The following C10orf90 variants were observed in gnomAD, a reference collection of about 807,000 sequenced individuals.
C10orf90 encodes the protein chromosome 10 open reading frame 90, also known as (E2-independent) E3 ubiquitin-conjugating enzyme FATS.
C10orf90 carries 56 observed loss-of-function variants against 62.5 expected under a neutral mutation model. The observed-to-expected ratio is 0.90, with a 90% CI of 0.72 to 1.12. The LOEUF is 1.12. Among genes scored for constraint, C10orf90 ranks in the 50% most tolerant of loss-of-function variants. The probability of loss-of-function intolerance (pLI) is 0.00; values close to 1 mark genes in which losing one functional copy is unlikely to be tolerated. For missense variants in C10orf90, 970 were observed against 880.4 expected (o/e 1.10, Z -1.29); for synonymous variants, 386 against 340.4 (o/e 1.13, Z -1.47).
At chr10:126,654,443 CT>C (rs1161705440) in intron 1 of C10orf90, among the ~76,000 whole-genome samples, 1 of 152,194 alleles carries the variant, frequency 6.6e-6, no homozygotes, top group Non-Finnish European at 1.5e-5. Context: ...TAGCTTCAAA[CT>C]TTTTTTCTGT....
At chr10:126,651,791 G>A (rs984762379) in intron 1 of C10orf90, among the ~76,000 whole-genome samples, 2 of 152,180 alleles carry the variant, frequency 1.3e-5, no homozygotes, top group African/African-American at 2.4e-5. Flanking sequence ...TCCCAAGAAG[G>A]CAAAGACCAA....
chr10:126,470,280 G>A (rs1186691767), intron 4 of C10orf90: 2 of 337,650 alleles, frequency 5.9e-6, no homozygotes, highest in East Asian at 1.5e-4. Context: ...GGAAGGAAGA[G>A]GCAGTAACAA....
At chr10:126,533,640 G>A (rs1026282161) in intron 2 of C10orf90, among the ~76,000 whole-genome samples, 1 of 152,156 alleles carries the variant, frequency 6.6e-6, no homozygotes, top group African/African-American at 2.4e-5. Context: ...GCCTAATTCT[G>A]GACATGGGGA....
rs1002217993 is a variant in C10orf90, at chr10:126,461,589, G to A, written c.1826-4C>T. On this transcript the variant is annotated splice_region_variant and splice_polypyrimidine_tract_variant and intron_variant, in intron 5 of 9. Transcript: ENST00000488181. ...AAGTCACAGCATGTGTAATCTCCTA[G>A]GAGAGAAGATTTAGAATCCCATTTA... 2.2e-5 allele frequency: 35 copies of A among 1,610,960 alleles called. No homozygotes were observed. In the Admixed American group the frequency reaches 2.2e-4, roughly 10 times the overall value.
At chr10:126,631,952 C>T (rs1207418590) in intron 2 of C10orf90, among the ~76,000 whole-genome samples, 2 of 152,104 alleles carry the variant, frequency 1.3e-5, no homozygotes, top group African/African-American at 4.8e-5. Flanking sequence ...ACACTGTCCT[C>T]ACGTGTGTAG....
chr10:126,443,378 C>T (rs1304211203), intron 7 of C10orf90, among the ~76,000 whole-genome samples: 1 of 152,040 alleles, frequency 6.6e-6, no homozygotes, highest in Non-Finnish European at 1.5e-5. Flanking sequence ...TTCAAGGCTA[C>T]AATGAACACC....
At chr10:126,471,090 T>C (rs116384868) in intron 4 of C10orf90, among the ~76,000 whole-genome samples, 1,824 of 152,240 alleles carry the variant, frequency 0.012, 30 homozygotes, top group African/African-American at 0.041. Flanking sequence ...GGATAGCAAA[T>C]GGGATAAACA....
chr10:126,493,924 C>T (rs1038514588), intron 4 of C10orf90, among the ~76,000 whole-genome samples: 4 of 152,348 alleles, frequency 2.6e-5, no homozygotes, highest in African/African-American at 9.6e-5. Context: ...CTGTGACATT[C>T]AATGGACCAC....
At chr10:126,496,805 A>G (rs1410411073) in intron 4 of C10orf90, 2 of 740,208 alleles carry the variant, frequency 2.7e-6, no homozygotes, top group Non-Finnish European at 1.6e-6. Context: ...TGGGTCATCA[A>G]CGTAACCTGT....
At chr10:126,445,373 C>T (rs1226297771) in intron 7 of C10orf90, among the ~76,000 whole-genome samples, 2 of 151,952 alleles carry the variant, frequency 1.3e-5, no homozygotes, top group South Asian at 2.1e-4. Context: ...AGACAATTCT[C>T]AAAAGAAGAT....
At chr10:126,442,481 A>ATATATATATATATATATCTATC (rs1858415102) in intron 7 of C10orf90, among the ~76,000 whole-genome samples, 2 of 59,164 alleles carry the variant, frequency 3.4e-5, no homozygotes, top group African/African-American at 1.2e-4. Context: ...AATATTTCAT[A>ATATATATATATATATATCTATC]TATATATATA....
At chr10:126,485,915 C>G (rs1446643895) in intron 4 of C10orf90, among the ~76,000 whole-genome samples, 1 of 151,684 alleles carries the variant, frequency 6.6e-6, no homozygotes, top group Non-Finnish European at 1.5e-5. Flanking sequence ...CCACTGCACT[C>G]CAGCCTGGGG....
intron 2 of C10orf90, among the ~76,000 whole-genome samples, chr10:126,635,709 T>G (rs1001966878): frequency 4.6e-5 from 7 of 152,236 alleles, no homozygotes. Context: ...TGTCTCTAAC[T>G]GCTCAGGGGA....
At chr10:126,498,080 C>T (rs1016366348) in intron 4 of C10orf90, among the ~76,000 whole-genome samples, 2 of 152,210 alleles carry the variant, frequency 1.3e-5, no homozygotes, top group African/African-American at 4.8e-5. Context: ...CAACCATGCA[C>T]CCAATTCATT....
intron 2 of C10orf90, among the ~76,000 whole-genome samples, chr10:126,515,064 C>G (rs148010394): frequency 2.0e-5 from 3 of 152,326 alleles, no homozygotes; most frequent in Admixed American, 1.3e-4. Flanking sequence ...TTTATCAACT[C>G]ATCAAAAAGT....
chr10:126,456,916 C>T lies in C10orf90; in HGVS notation c.2188+2124G>A, dbSNP rs1009932578. ...AAAGTAACCAACCCTGTGGAAACCT[C>T]GGTTTTGACTTCTGGCCTCTAGAAC... On this transcript the variant is annotated intron_variant, in intron 7 of 9. Coordinates refer to ENST00000488181, the MANE Select transcript of C10orf90 (RefSeq NM_001350921.2). The surrounding 1 kb of genome is among the most constrained non-coding windows in gnomAD (Gnocchi z 4.9). Among the ~76,000 whole-genome samples the T allele has an allele frequency of 1.3e-5, 2 of 152,164 alleles. No homozygotes were observed. The highest frequency in any genetic ancestry group is 4.8e-5 in the African/African-American group (2 of 41,436).
intron 7 of C10orf90, among the ~76,000 whole-genome samples, chr10:126,445,402 C>G (rs1395697693): frequency 6.6e-6 from 1 of 151,988 alleles, no homozygotes; most frequent in Non-Finnish European, 1.5e-5. Flanking sequence ...GGCCAACAAA[C>G]ATATGAAAAA....
intron 2 of C10orf90, among the ~76,000 whole-genome samples, chr10:126,623,302 T>C (rs1295463549): frequency 6.6e-6 from 1 of 152,166 alleles, no homozygotes; most frequent in Non-Finnish European, 1.5e-5. Flanking sequence ...CACAGAGCTA[T>C]TCTCAAACCC....
At chr10:126,651,203 G>A (rs976994023) in intron 1 of C10orf90, among the ~76,000 whole-genome samples, 2 of 152,098 alleles carry the variant, frequency 1.3e-5, no homozygotes, top group African/African-American at 4.8e-5. Flanking sequence ...GTTGTTTCCT[G>A]ACTCTCCCTT....
Sources: allele counts gnomAD v4.1 joint callset (sites outside exome capture counted in the v4.1 genomes callset), GRCh38; gene constraint gnomAD v4.1.1; non-coding constraint Gnocchi (gnomAD v3.1); transcripts MANE v1.5; gene names NCBI Gene and HGNC (gene_info 2026-07-23, HGNC 2026-07-21).